Variants in PCDHB1 observed in about 807,000 individuals in gnomAD.
PCDHB1 encodes protocadherin beta 1.
PCDHB1 carries 44 observed loss-of-function variants against 43.5 expected under a neutral mutation model. That is an observed-to-expected ratio of 1.01 (90% CI 0.79 to 1.30). The LOEUF (loss-of-function observed/expected upper bound fraction) is 1.30, where lower values mean the gene tolerates loss of function less well. Ranked by LOEUF, PCDHB1 falls within the 50% of genes most tolerant of loss-of-function variation. PCDHB1 has a pLI of 0.00. For synonymous variants in PCDHB1, 392 were observed against 400.8 expected (o/e 0.98, Z 0.26); for missense variants, 919 against 1,008.9 (o/e 0.91, Z 1.21).
chr5:141,058,118 T>C lies in PCDHB1; in HGVS notation c.*4191T>C, dbSNP rs1751170386. On this transcript the variant is annotated 3_prime_UTR_variant, in exon 1 of 1. Transcript: ENST00000306549. ...CATAGTAGTTATCAAAATTAAGAAA[T>C]TAACCTTGGTATAATTCTATGAAGT... 6.6e-6 allele frequency: 1 copy of C among 152,206 alleles called. No homozygotes were observed. The highest frequency in any genetic ancestry group is 1.5e-5 in the Non-Finnish European group (1 of 68,032). The allele number at this position is 152,206 out of a possible 1,614,324, so 9.4% of individuals were successfully genotyped here. A position where few individuals can be genotyped will look rare whatever the true frequency, so the allele number is the denominator to read the frequency against.
Position 141,054,741 on chromosome 5 carries a change from TG to T in PCDHB1, c.*816del, listed in dbSNP as rs1751092449. 7.4e-6 allele frequency: 1 copy of T among 135,832 alleles called. No homozygotes were observed. The highest frequency in any genetic ancestry group is 1.5e-5 in the Non-Finnish European group (1 of 64,998). The allele number at this position is 135,832 out of a possible 1,614,324, so 8.4% of individuals were successfully genotyped here. On this transcript the variant is annotated 3_prime_UTR_variant, in exon 1 of 1. Transcript: ENST00000306549. ...GGAGTTTTTCTCTTGTTGCCCAGAC[TG>T]GAGTGCAATGGCACGATCTCGGCTC...
At position 141,053,320 on chromosome 5, in the gene PCDHB1, C is replaced by T; in HGVS notation, c.1850C>T (p.Ser617Phe). Residue 617 changes from serine (S) to phenylalanine (F), a missense_variant, in exon 1 of 1, where the codon TCT (serine) becomes TTT (phenylalanine). By Grantham distance (155) the Ser-to-Phe change is radical. Transcript: ENST00000306549. ...LLKATDLGLFSVQRQNGEIHT... is the reference protein window; with the variant it reads ...LLKATDLGLFFVQRQNGEIHT... ...AAGGCCACTGACCTTGGGTTATTTT[C>T]TGTTCAAAGACAAAATGGAGAAATC... 4.3e-6 allele frequency: 7 copies of T among 1,614,238 alleles called. No homozygotes were observed. The highest frequency in any genetic ancestry group is 5.9e-6 in the Non-Finnish European group (7 of 1,180,048).
Position 141,053,448 on chromosome 5 carries a change from A to T in PCDHB1, c.1978A>T (p.Asn660Tyr). Reference protein sequence around the residue: ...QPALSTTVSLNILLVDGFSEP... With the variant: ...QPALSTTVSLYILLVDGFSEP... ...AGCTCTTTCCACTACTGTCTCACTCAACATCCTGCTGGTAGATGGCTTTTC... is the reference window on the plus strand; with the variant it reads ...AGCTCTTTCCACTACTGTCTCACTCTACATCCTGCTGGTAGATGGCTTTTC... Residue 660 changes from asparagine to tyrosine, a missense_variant, in exon 1 of 1, where the codon AAC becomes TAC. Asn to Tyr is a moderately radical substitution (Grantham distance 143, BLOSUM62 -2). Transcript: ENST00000306549. 6.2e-7 allele frequency: 1 copy of T among 1,614,174 alleles called. No individual in the cohort carries two copies. Among genetic ancestry groups the T allele is most frequent in the Non-Finnish European group, 8.5e-7 (1 of 1,180,026 alleles).
chr5:141,059,234 C>T lies in PCDHB1; in HGVS notation c.*5307C>T, dbSNP rs545488047. 49 of 152,066 alleles carry T rather than the reference C, an allele frequency of 3.2e-4. 1 individual carries two copies. The highest frequency in any genetic ancestry group is 1.1e-3 in the African/African-American group (46 of 41,480). The allele number at this position is 152,066 out of a possible 1,614,324, so 9.4% of individuals were successfully genotyped here. On this transcript the variant is annotated 3_prime_UTR_variant, in exon 1 of 1. Transcript: ENST00000306549. Reference sequence around the variant, plus strand: ...GTTTAAGCTATATATACCTGAGATACTATTTAAAAATAGACTTATATGCTG... The same window carrying T: ...GTTTAAGCTATATATACCTGAGATATTATTTAAAAATAGACTTATATGCTG...
rs1268671441 is a variant in PCDHB1, at chr5:141,054,991, C to A, written c.*1064C>A. ...GATTACAGGCATAAGCCACCACGCC[C>A]AGCCAGATTTGATTTCTTGATTGTT... On this transcript the variant is annotated 3_prime_UTR_variant, in exon 1 of 1. Coordinates refer to ENST00000306549, the MANE Select transcript of PCDHB1 (RefSeq NM_013340.4). 1 of 152,178 alleles carries A rather than the reference C, an allele frequency of 6.6e-6. No homozygotes were observed. The highest frequency in any genetic ancestry group is 1.5e-5 in the Non-Finnish European group (1 of 68,076). 9.4% of individuals were successfully genotyped at this position (152,178 alleles called of 1,614,324 possible).
rs1378147963 is a variant in PCDHB1 at position 141,054,836 on chromosome 5, G to C, written c.*909G>C. 1 of 152,298 alleles carries C rather than the reference G, an allele frequency of 6.6e-6. No homozygotes were observed. Among genetic ancestry groups the C allele is most frequent in the Non-Finnish European group, 1.5e-5 (1 of 68,302 alleles). 9.4% of individuals were successfully genotyped at this position (152,298 alleles called of 1,614,324 possible). A position where few individuals can be genotyped will look rare whatever the true frequency, so the allele number is the denominator to read the frequency against. ...AGCCTCCTGAGTAGCTAGGATTACA[G>C]GCATGCGCCACCATGCCCAGCTAAT... On this transcript the variant is annotated 3_prime_UTR_variant, in exon 1 of 1. Transcript: ENST00000306549.
rs782713029 is a variant in PCDHB1, at chr5:141,052,722, TATA to T, written c.1256_1258del (p.Asn419del). On this transcript the variant is annotated inframe_deletion, in exon 1 of 1. Coordinates refer to ENST00000306549, the MANE Select transcript of PCDHB1 (RefSeq NM_013340.4). ...CTTGGATCGGGAGGAGGTCTCAGGC[TATA>T]ATATCACCATTGTTGCCATGGATAC... 1.2e-5 allele frequency: 20 copies of T among 1,614,086 alleles called. No homozygotes were observed. Among genetic ancestry groups the T allele is most frequent in the Middle Eastern group, 3.3e-4 (2 of 6,084 alleles).
rs1554267360 is a variant in PCDHB1 at position 141,052,980 on chromosome 5, T to TA, written c.1511dup (p.Tyr504Ter). The TA allele has an allele frequency of 6.2e-7, 1 of 1,614,196 alleles. No homozygotes were observed. The highest frequency in any genetic ancestry group is 8.5e-7 in the Non-Finnish European group (1 of 1,180,028). Residue 504 changes from tyrosine to a stop codon, truncating the protein, a stop_gained and frameshift_variant, in exon 1 of 1, where the codon TAC becomes TAAC. Coordinates refer to ENST00000306549, the MANE Select transcript of PCDHB1 (RefSeq NM_013340.4). LOFTEE classifies it high-confidence loss of function. The stretch of plus-strand genomic sequence containing the variant: ...AAACGGAGATCTTTCAGTCTTTGCT[T>TA]ACATATCCATAAATTCAGGCAATGG... ...PKNGDLSVFA[Y>*]ISINSGNGKL...
At position 141,058,070 on chromosome 5, in the gene PCDHB1, G is replaced by A. The variant is rs1235420209; in HGVS notation, c.*4143G>A. The A allele has an allele frequency of 1.2e-4, 18 of 151,968 alleles. No homozygotes were observed. Among genetic ancestry groups the A allele is most frequent in the Non-Finnish European group, 2.2e-4 (15 of 68,008 alleles). The allele number at this position is 151,968 out of a possible 1,614,324, so 9.4% of individuals were successfully genotyped here. A position where few individuals can be genotyped will look rare whatever the true frequency, so the allele number is the denominator to read the frequency against. On this transcript the variant is annotated 3_prime_UTR_variant, in exon 1 of 1. Transcript: ENST00000306549. ...CTGTATATCCTTCACCTAACTTCCCGGAATGCTAACATCTTATATAACCAT... is the reference window on the plus strand; with the variant it reads ...CTGTATATCCTTCACCTAACTTCCCAGAATGCTAACATCTTATATAACCAT...
chr5:141,054,573 A>G lies in PCDHB1; in HGVS notation c.*646A>G, dbSNP rs1196840850. 6.6e-6 allele frequency: 1 copy of G among 152,128 alleles called. No homozygotes were observed. Among genetic ancestry groups the G allele is most frequent in the African/African-American group, 2.4e-5 (1 of 41,424 alleles). The allele number at this position is 152,128 out of a possible 1,614,324, so 9.4% of individuals were successfully genotyped here. ...TTCACAAATAATCATGGTGGGAGGA[A>G]GGGTGGAGAAAGAAAAGGATTTCAC... is the stretch of plus-strand genomic sequence containing the variant. On this transcript the variant is annotated 3_prime_UTR_variant, in exon 1 of 1. Coordinates refer to ENST00000306549, the MANE Select transcript of PCDHB1 (RefSeq NM_013340.4).
At position 141,053,876 on chromosome 5, in the gene PCDHB1, TAA is replaced by T. The variant is rs1751065553; in HGVS notation, c.2407_2408del (p.Lys803ValfsTer8). The stretch of plus-strand genomic sequence containing the variant: ...GTTTGCCCCCAAATTCTGATAGGAA[TAA>T]GTCTCAGAGATTAGAGGGCCATGAC... ...SSLPPNSDRN[K>X]SQRLEGHDQV... is the part of the protein sequence containing the mutation. On this transcript the variant is annotated frameshift_variant, in exon 1 of 1. Transcript: ENST00000306549. LOFTEE classifies it high-confidence loss of function. 2.5e-6 allele frequency: 4 copies of T among 1,614,054 alleles called. No homozygotes were observed. The highest frequency in any genetic ancestry group is 1.7e-5 in the Admixed American group (1 of 60,004).
rs1054409255 is a variant in PCDHB1, at chr5:141,057,235, C to G, written c.*3308C>G. Reference sequence around the variant, plus strand: ...CACCATTATTCCATAAACGAAATGGCATTTTAATATAAAAATGGTTAAGAT... The same window carrying G: ...CACCATTATTCCATAAACGAAATGGGATTTTAATATAAAAATGGTTAAGAT... On this transcript the variant is annotated 3_prime_UTR_variant, in exon 1 of 1. Coordinates refer to ENST00000306549, the MANE Select transcript of PCDHB1 (RefSeq NM_013340.4). 1 of 152,044 alleles carries G rather than the reference C, an allele frequency of 6.6e-6. No individual in the cohort carries two copies. The highest frequency in any genetic ancestry group is 1.5e-5 in the Non-Finnish European group (1 of 68,004). 9.4% of individuals were successfully genotyped at this position (152,044 alleles called of 1,614,324 possible). A position where few individuals can be genotyped will look rare whatever the true frequency, so the allele number is the denominator to read the frequency against.
Position 141,052,562 on chromosome 5 carries a change from A to AGT in PCDHB1, c.1093_1094dup (p.Val366Ter). 2.5e-6 allele frequency: 4 copies of AGT among 1,614,188 alleles called. No individual in the cohort carries two copies. Among genetic ancestry groups the AGT allele is most frequent in the Non-Finnish European group, 3.4e-6 (4 of 1,180,028 alleles). On this transcript the variant is annotated frameshift_variant, in exon 1 of 1. Coordinates refer to ENST00000306549, the MANE Select transcript of PCDHB1 (RefSeq NM_013340.4). LOFTEE classifies it high-confidence loss of function. Reference sequence around the variant, plus strand: ...TCCCTGAAGACTCACCACCACAGACAGTAGTAGCCCTTTTCACTATCAGAG... The same window carrying AGT: ...TCCCTGAAGACTCACCACCACAGACAGTGTAGTAGCCCTTTTCACTATCAGAG...
In PCDHB1 at chr5:141,051,984, C is replaced by T. The variant is rs1215925537; in HGVS notation, c.514C>T (p.Leu172=). 1.9e-6 allele frequency: 3 copies of T among 1,614,116 alleles called. No homozygotes were observed. The highest frequency in any genetic ancestry group is 1.7e-6 in the Non-Finnish European group (2 of 1,180,064). The change falls in exon 1 of 1, where the codon CTG becomes TTG. Residue 172 remains leucine, a synonymous_variant. Transcript: ENST00000306549. ...VGLNGLQNYT[L]SANGYFHLHT... ...CCTTAACGGTCTCCAGAACTACACC[C>T]TGAGTGCCAATGGGTATTTCCACCT...
Position 141,051,385 on chromosome 5 carries a change from A to C in PCDHB1, c.-86A>C. ...GTTAGAGGCTAGTGAAGCGGAGAGC[A>C]GCTGTTGCAGTAACCTGTTGCAGAA... is the stretch of plus-strand genomic sequence containing the variant. On this transcript the variant is annotated 5_prime_UTR_variant, in exon 1 of 1. Transcript: ENST00000306549. 1.4e-6 allele frequency: 2 copies of C among 1,415,196 alleles called. No individual in the cohort carries two copies. Among genetic ancestry groups the C allele is most frequent in the South Asian group, 1.3e-5 (1 of 77,056 alleles). The allele number at this position is 1,415,196 out of a possible 1,614,324, so 87.7% of individuals were successfully genotyped here. A position where few individuals can be genotyped will look rare whatever the true frequency, so the allele number is the denominator to read the frequency against.
rs1264863567 is a variant in PCDHB1 at position 141,056,761 on chromosome 5, C to G, written c.*2834C>G. On this transcript the variant is annotated 3_prime_UTR_variant, in exon 1 of 1. Transcript: ENST00000306549. ...CTGGGACTACAGGTATACATTACCACGCCCAGCTAAATTTTGTGTTTTTAG... is the reference window on the plus strand; with the variant it reads ...CTGGGACTACAGGTATACATTACCAGGCCCAGCTAAATTTTGTGTTTTTAG... 1 of 152,160 alleles carries G rather than the reference C, an allele frequency of 6.6e-6. No homozygotes were observed. Among genetic ancestry groups the G allele is most frequent in the Non-Finnish European group, 1.5e-5 (1 of 68,024 alleles). The allele number at this position is 152,160 out of a possible 1,614,324, so 9.4% of individuals were successfully genotyped here. A position where few individuals can be genotyped will look rare whatever the true frequency, so the allele number is the denominator to read the frequency against.
In PCDHB1 at chr5:141,051,451, G is replaced by A. The variant is rs1554267008; in HGVS notation, c.-20G>A. 1 of 1,611,754 alleles carries A rather than the reference G, an allele frequency of 6.2e-7. No individual in the cohort carries two copies. Among genetic ancestry groups the A allele is most frequent in the South Asian group, 1.1e-5 (1 of 91,022 alleles). On this transcript the variant is annotated 5_prime_UTR_variant, in exon 1 of 1. Transcript: ENST00000306549. ...CGCAACAGTTGGCTCTGATTGCAGA[G>A]AGCGCGCTTGTGAGAACTGATGGCG...
Position 141,051,524 on chromosome 5 carries a change from C to A in PCDHB1, c.54C>A (p.Leu18=). The A allele has an allele frequency of 6.2e-7, 1 of 1,614,240 alleles. No individual in the cohort carries two copies. The highest frequency in any genetic ancestry group is 8.5e-7 in the Non-Finnish European group (1 of 1,180,026). The change falls in exon 1 of 1, where the codon CTC becomes CTA. Residue 18 remains leucine (L), a synonymous_variant. Transcript: ENST00000306549. ...AAAACAGGCAAGTGGGATCTCTTCT[C>A]ATTTTTCTGTGCATATCTGTGGGGG... ...SLQNRQVGSL[L]IFLCISVGDA...
rs182720587 is a variant in PCDHB1, at chr5:141,051,594, G to C, written c.124G>C (p.Gly42Arg). The change falls in exon 1 of 1, where the codon GGC becomes CGC. Residue 42 changes from glycine (G) to arginine (R), a missense_variant. Gly to Arg is a moderately radical substitution (Grantham distance 125, BLOSUM62 -2). Transcript: ENST00000306549. ...TTCAGTGGCAGAGGAAATGGAGAGC[G>C]GCTCGTTTGTGGCCAACGTAGCTAA... ...RYSVAEEMES[G>R]SFVANVAKDL... 82 of 1,614,252 alleles carry C rather than the reference G, an allele frequency of 5.1e-5. 2 individuals are homozygous for C. The East Asian group carries it at 1.6e-3, about 31-fold the overall frequency.
Sources: gnomAD v4.1 joint callset for allele counts on GRCh38, gnomAD v4.1.1 for gene constraint, MANE v1.5 for transcripts, NCBI Gene and HGNC (gene_info 2026-07-23, HGNC 2026-07-21) for gene names.